The following TMPRSS15 variants were observed in gnomAD, a reference collection of about 807,000 sequenced individuals.
TMPRSS15 encodes transmembrane serine protease 15, also known as enteropeptidase.
Under a neutral mutation model 125.3 loss-of-function variants are expected in TMPRSS15, and 128 were observed. That is an observed-to-expected ratio of 1.02 (90% confidence interval 0.89 to 1.18). TMPRSS15 has a LOEUF of 1.18. TMPRSS15 is among the 50% of genes most tolerant of loss of function. The pLI, the probability that TMPRSS15 is intolerant of heterozygous loss-of-function variation, is 0.00. For synonymous variants in TMPRSS15, 446 were observed against 423.2 expected, an observed-to-expected ratio of 1.05 and a Z score of -0.66; for missense variants, 1,283 against 1,212.7, an observed-to-expected ratio of 1.06 and a Z score of -0.86.
chr21:18,373,865 A>G (rs984234274), intron 5 of TMPRSS15, among the ~76,000 whole-genome samples: 2 of 152,138 alleles, frequency 1.3e-5, no homozygotes, highest in Non-Finnish European at 2.9e-5. Context: ...TATTGACCCC[A>G]CAAGTATTTA....
At chr21:18,338,294 T>C (rs1009916333) in intron 13 of TMPRSS15, among the ~76,000 whole-genome samples, 5 of 152,148 alleles carry the variant, frequency 3.3e-5, no homozygotes, top group Non-Finnish European at 5.9e-5. Context: ...AAATTTTTCT[T>C]CTTTATTATT....
chr21:18,397,894 C>CT lies in TMPRSS15; in HGVS notation c.328dup (p.Arg110LysfsTer6), dbSNP rs2076054446. 2 of 1,545,498 alleles carry CT rather than the reference C, an allele frequency of 1.3e-6. No homozygotes were observed. Among genetic ancestry groups the CT allele is most frequent in the Non-Finnish European group, 1.8e-6 (2 of 1,131,036 alleles). Reference sequence around the variant, plus strand: ...CTATACTCACTCAAATTGTAAAACTCTTGAGTTCTTATATTCATTCTTCAG... The same window carrying CT: ...CTATACTCACTCAAATTGTAAAACTCTTTGAGTTCTTATATTCATTCTTCAG... On this transcript the variant is annotated frameshift_variant, in exon 3 of 25. Transcript: ENST00000284885. LOFTEE classifies it high-confidence loss of function.
chr21:18,339,909 AC>A (rs1483802298), intron 13 of TMPRSS15, among the ~76,000 whole-genome samples: 1 of 152,232 alleles, frequency 6.6e-6, no homozygotes, highest in African/African-American at 2.4e-5. Flanking sequence ...ACTTAAGAGC[AC>A]AAGTAGACAC....
chr21:18,293,334 CTGGTTCTTTCTAACA>C (rs567105907), intron 21 of TMPRSS15, among the ~76,000 whole-genome samples: 122 of 152,254 alleles, frequency 8.0e-4, no homozygotes, highest in African/African-American at 2.9e-3. Context: ...TCGTCAATGC[CTGGTTCTTTCTAACA>C]TGGTTCTTTC....
intron 22 of TMPRSS15, 100 bp from the exon 23 acceptor site, chr21:18,279,159 C>A: frequency 2.9e-6 from 2 of 695,986 alleles, no homozygotes; most frequent in Non-Finnish European, 5.0e-6. Context: ...AACAGTTAAT[C>A]TAAAAAACAT....
intron 21 of TMPRSS15, among the ~76,000 whole-genome samples, chr21:18,291,402 T>G (rs2074832231): frequency 6.6e-6 from 1 of 152,162 alleles, no homozygotes; most frequent in African/African-American, 2.4e-5. Context: ...TTAGAATCAC[T>G]CAGGAGAACT....
At chr21:18,329,074 G>A in intron 15 of TMPRSS15, 95 bp downstream of exon 15, 2 of 1,457,840 alleles carry the variant, frequency 1.4e-6, no homozygotes, top group Non-Finnish European at 1.9e-6. Context: ...TTTGCAAGTT[G>A]TAAAAGAGTG....
intron 10 of TMPRSS15, among the ~76,000 whole-genome samples, chr21:18,350,511 C>T (rs2075556395): frequency 6.6e-6 from 1 of 152,102 alleles, no homozygotes; most frequent in Admixed American, 6.6e-5. Context: ...CACTCTTGCC[C>T]TCGCACAAAC....
intron 21 of TMPRSS15, among the ~76,000 whole-genome samples, chr21:18,283,398 A>C (rs1174168433): frequency 6.6e-6 from 1 of 151,702 alleles, no homozygotes; most frequent in Non-Finnish European, 1.5e-5. Flanking sequence ...TCACACATTC[A>C]CTCAATATTT....
intron 1 of TMPRSS15, among the ~76,000 whole-genome samples, chr21:18,484,949 T>G (rs1447415226): frequency 6.6e-6 from 1 of 151,882 alleles, no homozygotes; most frequent in Non-Finnish European, 1.5e-5. Flanking sequence ...ATTTTCCTCA[T>G]GAATAAGAGA....
At chr21:18,395,311 G>A (rs946502367) in intron 3 of TMPRSS15, among the ~76,000 whole-genome samples, 1 of 152,210 alleles carries the variant, frequency 6.6e-6, no homozygotes, top group Non-Finnish European at 1.5e-5. Flanking sequence ...GTAGAGGACA[G>A]CATGAATGTT....
At chr21:18,302,987 C>G (rs1022219719) in intron 18 of TMPRSS15, among the ~76,000 whole-genome samples, 2 of 152,170 alleles carry the variant, frequency 1.3e-5, no homozygotes, top group African/African-American at 4.8e-5. Context: ...TTTCTCAGTG[C>G]ATTATCACTT....
chr21:18,475,218 T>C (rs540886630), intron 1 of TMPRSS15, among the ~76,000 whole-genome samples: 30 of 152,220 alleles, frequency 2.0e-4, no homozygotes, highest in African/African-American at 6.5e-4. Context: ...CTTTTCAGAG[T>C]TGATTCCTAT....
chr21:18,276,244 T>C (rs1289694683), intron 23 of TMPRSS15, among the ~76,000 whole-genome samples: 1 of 152,194 alleles, frequency 6.6e-6, no homozygotes, highest in Non-Finnish European at 1.5e-5. Context: ...AAAACAGATA[T>C]ATATGACTCA....
At chr21:18,379,431 C>A (rs925486657) in intron 4 of TMPRSS15, 113 bp from the exon 5 acceptor site, 4 of 418,226 alleles carry the variant, frequency 9.6e-6, no homozygotes, top group Non-Finnish European at 1.7e-5. Context: ...AAAGTTATTA[C>A]GCATTATTAG....
chr21:18,469,718 C>G (rs1396514439), intron 1 of TMPRSS15, among the ~76,000 whole-genome samples: 1 of 152,052 alleles, frequency 6.6e-6, no homozygotes, highest in African/African-American at 2.4e-5. Flanking sequence ...CTCCTGTAAA[C>G]TGATTTGTAA....
At chr21:18,453,424 G>A (rs11909231) in intron 1 of TMPRSS15, among the ~76,000 whole-genome samples, 69,166 of 152,004 alleles carry the variant, frequency 0.46, 16,763 homozygotes, top group East Asian at 0.91. Context: ...GTGCATATAC[G>A]CACATATATA....
intron 14 of TMPRSS15, among the ~76,000 whole-genome samples, chr21:18,330,916 C>CA (rs1213243680): frequency 2.6e-5 from 4 of 151,638 alleles, no homozygotes; most frequent in South Asian, 4.2e-4. Flanking sequence ...ACTAAAAATA[C>CA]AAAAAAATTA....
At chr21:18,293,471 C>T (rs2074862679) in intron 21 of TMPRSS15, among the ~76,000 whole-genome samples, 1 of 152,154 alleles carries the variant, frequency 6.6e-6, no homozygotes, top group Non-Finnish European at 1.5e-5. Context: ...CTAGATCAAG[C>T]TCATACGTAT....
Sources: allele counts gnomAD v4.1 joint callset (sites outside exome capture counted in the v4.1 genomes callset), GRCh38; gene constraint gnomAD v4.1.1; transcripts MANE v1.5; gene names NCBI Gene and HGNC (gene_info 2026-07-23, HGNC 2026-07-21).